The following CCDC92B variants were observed in gnomAD, a reference collection of about 807,000 sequenced individuals.
CCDC92B encodes the protein coiled-coil domain containing 92B.
A neutral mutation model predicts 5.6 loss-of-function variants in CCDC92B; 2 were observed. That is an observed-to-expected ratio of 0.36 (90% CI 0.15 to 1.12). The LOEUF (loss-of-function observed/expected upper bound fraction) is 1.12, where lower values mean the gene tolerates loss of function less well. Among genes scored for constraint, CCDC92B ranks in the 50% most tolerant of loss-of-function variants. The pLI is 0.40. For synonymous variants in CCDC92B, 115 were observed against 122.3 expected (o/e 0.94, Z 0.39); for missense variants, 271 against 262.2 (o/e 1.03, Z -0.23).
chr17:2,731,652 G>A (rs1159609805), intron 2 of CCDC92B, among the ~76,000 whole-genome samples: 2 of 152,190 alleles, frequency 1.3e-5, no homozygotes, highest in African/African-American at 4.8e-5. Context: ...GCCGGTTGTT[G>A]CTTGGAGGCA....
intron 1 of CCDC92B, chr17:2,748,053 C>T (rs780532872): frequency 7.8e-6 from 4 of 510,500 alleles, no homozygotes; most frequent in South Asian, 5.8e-5. Context: ...AGAAGCACCC[C>T]ACTGGGTGCT....
intron 1 of CCDC92B, among the ~76,000 whole-genome samples, chr17:2,743,537 T>A (rs1019070679): frequency 1.3e-5 from 2 of 152,256 alleles, no homozygotes; most frequent in Non-Finnish European, 2.9e-5. Flanking sequence ...AAAGTTCTTA[T>A]GAGCCCTTGC....
intron 1 of CCDC92B, among the ~76,000 whole-genome samples, chr17:2,739,631 A>G (rs974216903): frequency 8.0e-5 from 12 of 150,768 alleles, no homozygotes; most frequent in Admixed American, 5.3e-4. Context: ...GCAGTGAGCC[A>G]AGATTGCGCC....
Position 2,721,834 on chromosome 17 carries a change from T to C in CCDC92B, c.*2577A>G, listed in dbSNP as rs2070660567. 1 of 152,196 alleles carries C rather than the reference T, an allele frequency of 6.6e-6. No individual in the cohort carries two copies. Among genetic ancestry groups the C allele is most frequent in the Non-Finnish European group, 1.5e-5 (1 of 68,096 alleles). The allele number at this position is 152,196 out of a possible 1,614,324, so 9.4% of individuals were successfully genotyped here. ...AGCACCTCACAAACAATTGTCATTA[T>C]CTGTGGTTGCTGGAAGAGGGATGGG... On this transcript the variant is annotated 3_prime_UTR_variant, in exon 4 of 4. Coordinates refer to ENST00000614400, the MANE Select transcript of CCDC92B (RefSeq NM_001355573.2).
intron 1 of CCDC92B, among the ~76,000 whole-genome samples, chr17:2,741,034 T>C (rs2070921294): frequency 6.6e-6 from 1 of 150,622 alleles, no homozygotes. Context: ...ATAATAAATG[T>C]ATGTTGTTTT....
rs148397565 is a variant in CCDC92B, at chr17:2,727,554, A to G, written c.179-2554T>C. Among the ~76,000 whole-genome samples, 615 of 152,290 alleles carry G rather than the reference A, an allele frequency of 4.0e-3. 6 individuals carry two copies. Among genetic ancestry groups the G allele is most frequent in the South Asian group, 9.7e-3 (47 of 4,824 alleles). ...TAAGAGGACAAAGAGGGCTGGGTGC[A>G]GTGGCTCACGCCTGTAATCCCAGCA... On this transcript the variant is annotated intron_variant, in intron 3 of 3. Coordinates refer to ENST00000614400, the MANE Select transcript of CCDC92B (RefSeq NM_001355573.2).
Position 2,724,199 on chromosome 17 carries a change from C to T in CCDC92B, c.*212G>A, listed in dbSNP as rs2070695303. 1.0e-6 allele frequency: 1 copy of T among 985,286 alleles called. No homozygotes were observed. Among genetic ancestry groups the T allele is most frequent in the Non-Finnish European group, 1.2e-6 (1 of 829,882 alleles). 61.0% of individuals were successfully genotyped at this position (985,286 alleles called of 1,614,324 possible). ...GCCCCCGCTCGGCCCCGCGGAGGAA[C>T]TCTCGCGCGAGGAGAGGGCTCGAAG... is the stretch of plus-strand genomic sequence containing the variant. On this transcript the variant is annotated 3_prime_UTR_variant, in exon 4 of 4. Transcript: ENST00000614400. This position sits in a 1 kb window ranked among gnomAD's most constrained non-coding sequence, Gnocchi z 5.0.
Position 2,724,779 on chromosome 17 carries a change from T to C in CCDC92B, c.400A>G (p.Thr134Ala), listed in dbSNP as rs1005136981. Reference protein sequence around the residue: ...TVLGTELQKHTEAAAYLSCQL... With the variant: ...TVLGTELQKHAEAAAYLSCQL... ...CAGGAGAGGTAGGCGGCCGCCTCGG[T>C]GTGCTTCTGCAGCTCGGTGCCCAGC... The change falls in exon 4 of 4, where the codon ACC (threonine) becomes GCC (alanine). Residue 134 changes from threonine (T) to alanine (A), a missense_variant. By Grantham distance (58) the Thr-to-Ala change is moderately conservative. Transcript: ENST00000614400. The surrounding 1 kb of genome is among the most constrained non-coding windows in gnomAD (Gnocchi z 5.0). 1.8e-4 allele frequency: 176 copies of C among 984,356 alleles called. No individual in the cohort carries two copies. The highest frequency in any genetic ancestry group is 2.0e-4 in the Non-Finnish European group (168 of 829,626). The allele number at this position is 984,356 out of a possible 1,614,324, so 61.0% of individuals were successfully genotyped here.
chr17:2,724,583 C>T lies in CCDC92B; in HGVS notation c.596G>A (p.Gly199Asp). 1.0e-6 allele frequency: 1 copy of T among 981,912 alleles called. No individual in the cohort carries two copies. The highest frequency in any genetic ancestry group is 4.6e-5 in the South Asian group (1 of 21,672). The allele number at this position is 981,912 out of a possible 1,614,324, so 60.8% of individuals were successfully genotyped here. A position where few individuals can be genotyped will look rare whatever the true frequency, so the allele number is the denominator to read the frequency against. ...CATGGGGTCGGCGTCGTCGAGGGCG[C>T]CGGCCCCGCGGTCCCAGGCGGCCCA... ...RDWAAWDRGA[G>D]ALDDADPMPD... The change falls in exon 4 of 4, where the codon GGC (glycine) becomes GAC (aspartate). Residue 199 changes from glycine to aspartate, a missense_variant. Coordinates refer to ENST00000614400, the MANE Select transcript of CCDC92B (RefSeq NM_001355573.2). This position sits in a 1 kb window ranked among gnomAD's most constrained non-coding sequence, Gnocchi z 5.0.
rs1367888761 is a variant in CCDC92B, at chr17:2,727,974, C to T, written c.178+2472G>A. Among the ~76,000 whole-genome samples, 4 of 152,060 alleles carry T rather than the reference C, an allele frequency of 2.6e-5. No individual in the cohort carries two copies. The South Asian group carries it at 6.2e-4, about 24-fold the overall frequency. ...AGTGAGCTATGATTCTGCTACTGCA[C>T]ACTACAGCCTGGACAACAGAGCAAG... On this transcript the variant is annotated intron_variant, in intron 3 of 3. Transcript: ENST00000614400.
intron 1 of CCDC92B, among the ~76,000 whole-genome samples, chr17:2,744,197 AT>A (rs1428650339): frequency 8.1e-6 from 1 of 123,560 alleles, no homozygotes; most frequent in African/African-American, 3.2e-5. Context: ...TTTTTTTTTC[AT>A]TTTTTATTTT....
chr17:2,744,856 T>G (rs1428391074), intron 1 of CCDC92B, among the ~76,000 whole-genome samples: 4 of 148,650 alleles, frequency 2.7e-5, no homozygotes, highest in East Asian at 4.0e-4. Flanking sequence ...TGCCCAGGAG[T>G]TTGAGACCAG....
At position 2,724,612 on chromosome 17, in the gene CCDC92B, C is replaced by G. The variant is rs1232146056; in HGVS notation, c.567G>C (p.Arg189=). 4.1e-6 allele frequency: 4 copies of G among 981,690 alleles called. No homozygotes were observed. The Admixed American group carries it at 2.5e-4, about 62-fold the overall frequency. The allele number at this position is 981,690 out of a possible 1,614,324, so 60.8% of individuals were successfully genotyped here. A position where few individuals can be genotyped will look rare whatever the true frequency, so the allele number is the denominator to read the frequency against. Residue 189 remains arginine, a synonymous_variant, in exon 4 of 4, where the codon CGG becomes CGC. Transcript: ENST00000614400. The surrounding 1 kb of genome is among the most constrained non-coding windows in gnomAD (Gnocchi z 5.0). ...CCCCGCGGTCCCAGGCGGCCCAGTC[C>G]CGGCCGGGGCCCTTGGCGGCGGCCT... ...AHEAAAKGPG[R]DWAAWDRGAG...
At chr17:2,735,633 G>A (rs1402531713) in intron 1 of CCDC92B, among the ~76,000 whole-genome samples, 1 of 152,158 alleles carries the variant, frequency 6.6e-6, no homozygotes, top group Non-Finnish European at 1.5e-5. Context: ...GTTTCACCAT[G>A]TTGGCCAGGC....
intron 3 of CCDC92B, among the ~76,000 whole-genome samples, chr17:2,728,675 C>T (rs1032556851): frequency 6.6e-6 from 1 of 152,006 alleles, no homozygotes; most frequent in Non-Finnish European, 1.5e-5. Context: ...CAGGTGATCT[C>T]AAAAGCCCTT....
rs1169812407 is a variant in CCDC92B at position 2,733,747 on chromosome 17, T to TC, written c.130+1268_130+1269insG. Among the ~76,000 whole-genome samples the TC allele has an allele frequency of 8.0e-5, 3 of 37,644 alleles. No individual in the cohort carries two copies. The East Asian group carries it at 2.3e-3, about 28-fold the overall frequency. The allele number at this position is 37,644 out of a possible 152,430, so 24.7% of individuals were successfully genotyped here. A position where few individuals can be genotyped will look rare whatever the true frequency, so the allele number is the denominator to read the frequency against. On this transcript the variant is annotated intron_variant, in intron 2 of 3. Transcript: ENST00000614400. ...ATGGCTGAATCAGGACCACTGGCTT[T>TC]TTTTTTTTTTTTTTTTTTTTTTTTT... is the stretch of plus-strand genomic sequence containing the variant.
In CCDC92B at chr17:2,724,179, C is replaced by T. The variant is rs528485546; in HGVS notation, c.*232G>A. ...GTCCTCTCGGTAGAGAAGGTGCCCC[C>T]GCTCGGCCCCGCGGAGGAACTCTCG... On this transcript the variant is annotated 3_prime_UTR_variant, in exon 4 of 4. Coordinates refer to ENST00000614400, the MANE Select transcript of CCDC92B (RefSeq NM_001355573.2). This position sits in a 1 kb window ranked among gnomAD's most constrained non-coding sequence, Gnocchi z 5.0. The T allele has an allele frequency of 1.0e-6, 1 of 985,402 alleles. No individual in the cohort carries two copies. The highest frequency in any genetic ancestry group is 1.7e-5 in the African/African-American group (1 of 57,358). The allele number at this position is 985,402 out of a possible 1,614,324, so 61.0% of individuals were successfully genotyped here. A position where few individuals can be genotyped will look rare whatever the true frequency, so the allele number is the denominator to read the frequency against.
intron 1 of CCDC92B, among the ~76,000 whole-genome samples, chr17:2,738,809 GC>G (rs1188446570): frequency 6.6e-6 from 1 of 150,490 alleles, no homozygotes; most frequent in Non-Finnish European, 1.5e-5. Flanking sequence ...AGTGGCTCAC[GC>G]CTGTAATCCC....
At chr17:2,734,852 A>G (rs2070840285) in intron 2 of CCDC92B, among the ~76,000 whole-genome samples, 164 bp downstream of exon 2, 1 of 152,120 alleles carries the variant, frequency 6.6e-6, no homozygotes, top group Admixed American at 6.6e-5. Flanking sequence ...TTCTCTGTCC[A>G]TCTCACCTCC....
Sources: allele counts gnomAD v4.1 joint callset (sites outside exome capture counted in the v4.1 genomes callset), GRCh38; gene constraint gnomAD v4.1.1; non-coding constraint Gnocchi (gnomAD v3.1); transcripts MANE v1.5; gene names NCBI Gene and HGNC (gene_info 2026-07-23, HGNC 2026-07-21).